Variants in CAMSAP2 observed in about 807,000 individuals in gnomAD.
The protein encoded by CAMSAP2 is calmodulin-regulated spectrin-associated protein 2.
CAMSAP2 carries 26 observed loss-of-function variants against 146.1 expected under a neutral mutation model. The observed-to-expected ratio is 0.18, with a 90% CI of 0.13 to 0.25. The LOEUF is 0.25. CAMSAP2 is among the 10% of genes least tolerant of loss of function. The pLI is 1.00. For missense variants in CAMSAP2, 1,381 were observed against 1,759.3 expected (o/e 0.78, Z 3.85); for synonymous variants, 499 against 596.6 (o/e 0.84, Z 2.38).
At chr1:200,842,465 T>TA (rs1465261696) in intron 7 of CAMSAP2, among the ~76,000 whole-genome samples, 2 of 152,228 alleles carry the variant, frequency 1.3e-5, no homozygotes, top group African/African-American at 4.8e-5. Flanking sequence ...CATTAAACTA[T>TA]AAAAAGGTTT....
chr1:200,846,858 A>G (rs1423885492), intron 8 of CAMSAP2, among the ~76,000 whole-genome samples: 1 of 152,148 alleles, frequency 6.6e-6, no homozygotes, highest in Non-Finnish European at 1.5e-5. Context: ...GGTTTATTAT[A>G]CCTATAGTTT....
In CAMSAP2 at chr1:200,853,216, C is replaced by G. The variant is rs1667667916; in HGVS notation, c.3603-59C>G. 1.4e-6 allele frequency: 2 copies of G among 1,415,688 alleles called. No homozygotes were observed. Among genetic ancestry groups the G allele is most frequent in the Admixed American group, 3.6e-5 (2 of 56,008 alleles). 87.7% of individuals were successfully genotyped at this position (1,415,688 alleles called of 1,614,324 possible). ...TTTCTCATATCAAATACATAACTCTCTCCTGTATGGTTTGTCTTTGGTATG... is the reference window on the plus strand; with the variant it reads ...TTTCTCATATCAAATACATAACTCTGTCCTGTATGGTTTGTCTTTGGTATG... On this transcript the variant is annotated intron_variant, in intron 12 of 16. Transcript: ENST00000358823. This position sits in a 1 kb window ranked among gnomAD's most constrained non-coding sequence, Gnocchi z 5.1.
chr1:200,756,035 T>C (rs35687916), intron 1 of CAMSAP2, among the ~76,000 whole-genome samples: 19,278 of 152,172 alleles, frequency 0.13, 1,246 homozygotes, highest in East Asian at 0.17. Flanking sequence ...GTTGGGTGTT[T>C]GGAACATAGC....
rs200450056 is a variant in CAMSAP2 at position 200,848,493 on chromosome 1, T to C, written c.1724T>C (p.Met575Thr). 2.7e-5 allele frequency: 43 copies of C among 1,612,994 alleles called. No homozygotes were observed. The African/African-American group carries it at 4.5e-4, about 17-fold the overall frequency. The change falls in exon 11 of 17, where the codon ATG becomes ACG. Residue 575 changes from methionine to threonine, a missense_variant. Coordinates refer to ENST00000358823, the MANE Select transcript of CAMSAP2 (RefSeq NM_203459.4). ...ANGFFLHSQE[M>T]SILNSNIKLN... ...GGCTTCTTTCTTCATAGTCAAGAAA[T>C]GAGTATCTTAAATTCAAATATCAAG...
chr1:200,817,166 GTGTGTGTATATACACACA>G (rs1666596746), intron 4 of CAMSAP2, among the ~76,000 whole-genome samples: 2 of 72,256 alleles, frequency 2.8e-5, no homozygotes, highest in African/African-American at 1.7e-4. Flanking sequence ...ATACACACAC[GTGTGTGTATATACACACA>G]CACACATGTG....
chr1:200,789,671 A>G (rs1665694401), intron 2 of CAMSAP2, among the ~76,000 whole-genome samples: 2 of 152,204 alleles, frequency 1.3e-5, no homozygotes, highest in African/African-American at 2.4e-5. Flanking sequence ...TAAACTTTAG[A>G]TCAATTCATC....
chr1:200,857,615 CAA>C lies in CAMSAP2; in HGVS notation c.4132-138_4132-137del. 2 of 854,210 alleles carry C rather than the reference CAA, an allele frequency of 2.3e-6. No individual in the cohort carries two copies. The highest frequency in any genetic ancestry group is 1.8e-6 in the Non-Finnish European group (1 of 562,168). 52.9% of individuals were successfully genotyped at this position (854,210 alleles called of 1,614,324 possible). A position where few individuals can be genotyped will look rare whatever the true frequency, so the allele number is the denominator to read the frequency against. On this transcript the variant is annotated intron_variant, in intron 16 of 16. Coordinates refer to ENST00000358823, the MANE Select transcript of CAMSAP2 (RefSeq NM_203459.4). This position sits in a 1 kb window ranked among gnomAD's most constrained non-coding sequence, Gnocchi z 4.7. ...GCCTGCAGATTTTATTAAAGACTAG[CAA>C]TAGGCTTTAAGATTTGTCATTGAAA...
At chr1:200,750,516 C>G (rs982257772) in intron 1 of CAMSAP2, among the ~76,000 whole-genome samples, 28 of 152,086 alleles carry the variant, frequency 1.8e-4, no homozygotes, top group African/African-American at 6.5e-4. Context: ...TATTTTGTCC[C>G]ATTTGTTTTA....
At chr1:200,776,217 T>C (rs75359440) in intron 2 of CAMSAP2, among the ~76,000 whole-genome samples, 426 of 152,346 alleles carry the variant, frequency 2.8e-3, no homozygotes, top group African/African-American at 9.4e-3. Context: ...TGTTCTTCCA[T>C]CCAGCCTTCA....
At chr1:200,780,737 TTGAG>T (rs1665406726) in intron 2 of CAMSAP2, among the ~76,000 whole-genome samples, 1 of 152,338 alleles carries the variant, frequency 6.6e-6, no homozygotes, top group African/African-American at 2.4e-5. Flanking sequence ...ACTGTGCTGT[TTGAG>T]TATCTGCCAT....
At chr1:200,820,566 A>C (rs1666730134) in intron 4 of CAMSAP2, among the ~76,000 whole-genome samples, 1 of 152,148 alleles carries the variant, frequency 6.6e-6, no homozygotes. Flanking sequence ...AGAGTAGGTA[A>C]ATGCTTATAC....
chr1:200,767,474 CCT>C (rs1664986432), intron 2 of CAMSAP2, among the ~76,000 whole-genome samples: 1 of 120,858 alleles, frequency 8.3e-6, no homozygotes. Context: ...TTGTGTTGTC[CCT>C]CTTTTTTTTT....
chr1:200,829,799 C>CG lies in CAMSAP2; in HGVS notation c.646-2401_646-2400insG, dbSNP rs147196235. Among the ~76,000 whole-genome samples, 854 of 152,134 alleles carry CG rather than the reference C, an allele frequency of 5.6e-3. 7 individuals are homozygous for CG. Among genetic ancestry groups the CG allele is most frequent in the African/African-American group, 0.02 (815 of 41,516 alleles). ...AAAATGAGGCAGGCATAATGGTACA[C>CG]ATTTGTGGTTTCACCTACTCAAAAG... On this transcript the variant is annotated intron_variant, in intron 4 of 16. Transcript: ENST00000358823.
intron 6 of CAMSAP2, among the ~76,000 whole-genome samples, chr1:200,841,531 T>A (rs1667323424): frequency 6.6e-6 from 1 of 152,072 alleles, no homozygotes; most frequent in Non-Finnish European, 1.5e-5. Flanking sequence ...CAGGCGTGAG[T>A]CACCACGCCC....
At chr1:200,807,597 A>G (rs1445018078) in intron 3 of CAMSAP2, 60 bp downstream of exon 3, 7 of 1,245,760 alleles carry the variant, frequency 5.6e-6, no homozygotes, top group Non-Finnish European at 6.4e-6. Context: ...GAAATTCTAA[A>G]TTATACATTG....
chr1:200,853,508 A>C lies in CAMSAP2; in HGVS notation c.3823+13A>C. ...AAGGGTCCTCCAGGTAACATAGCTT[A>C]TTATGAAGAGTCTGTTCATAAAAAA... is the stretch of plus-strand genomic sequence containing the variant. On this transcript the variant is annotated intron_variant, in intron 13 of 16. Transcript: ENST00000358823. The surrounding 1 kb of genome is among the most constrained non-coding windows in gnomAD (Gnocchi z 5.1). 6 of 1,577,724 alleles carry C rather than the reference A, an allele frequency of 3.8e-6. No individual in the cohort carries two copies. The highest frequency in any genetic ancestry group is 5.2e-6 in the Non-Finnish European group (6 of 1,149,674).
intron 2 of CAMSAP2, among the ~76,000 whole-genome samples, chr1:200,790,760 CTTCT>C (rs1251401191): frequency 6.6e-6 from 1 of 152,134 alleles, no homozygotes. Context: ...AAACTAAAGT[CTTCT>C]TTCTTTTACA....
chr1:200,838,656 G>A (rs1667243780), intron 6 of CAMSAP2, among the ~76,000 whole-genome samples: 1 of 152,084 alleles, frequency 6.6e-6, no homozygotes, highest in African/African-American at 2.4e-5. Flanking sequence ...ATAAATCTGG[G>A]AAGAGAAAAA....
intron 8 of CAMSAP2, among the ~76,000 whole-genome samples, chr1:200,845,554 G>A (rs1667439316): frequency 6.6e-6 from 1 of 152,164 alleles, no homozygotes; most frequent in Non-Finnish European, 1.5e-5. Context: ...CTGCATACTG[G>A]CATGTATAGA....
Sources: gnomAD v4.1 joint callset for allele counts (sites outside exome capture counted in the v4.1 genomes callset) on GRCh38, gnomAD v4.1.1 for gene constraint, Gnocchi (gnomAD v3.1) non-coding constraint, MANE v1.5 for transcripts, NCBI Gene and HGNC (gene_info 2026-07-23, HGNC 2026-07-21) for gene names.